Variants in NDUFB4 observed in about 807,000 individuals in gnomAD.
The protein encoded by NDUFB4 is NADH:ubiquinone oxidoreductase subunit B4, also known as NADH dehydrogenase [ubiquinone] 1 beta subcomplex subunit 4.
NDUFB4 carries 10 observed loss-of-function variants against 14.5 expected under a neutral mutation model. The observed-to-expected ratio is 0.69, with a 90% CI of 0.43 to 1.17. The LOEUF is 1.17. Ranked by LOEUF, NDUFB4 falls within the 50% of genes most tolerant of loss-of-function variation. The pLI is 0.00. For missense variants in NDUFB4, 165 were observed against 161.1 expected (o/e 1.02, Z -0.13); for synonymous variants, 65 against 63.4 (o/e 1.03, Z -0.12).
chr3:120,600,126 T>TTG (rs1940033390), intron 1 of NDUFB4, among the ~76,000 whole-genome samples: 1 of 147,774 alleles, frequency 6.8e-6, no homozygotes, highest in African/African-American at 2.4e-5. Context: ...TTTTTGTTTT[T>TTG]TTTTTTTTTT....
intron 1 of NDUFB4, among the ~76,000 whole-genome samples, chr3:120,598,406 G>C (rs1215739304): frequency 6.6e-6 from 1 of 151,956 alleles, no homozygotes; most frequent in Non-Finnish European, 1.5e-5. Flanking sequence ...AATTGCTCAG[G>C]GTCTGTTATG....
At chr3:120,602,093 G>A (rs1473880849) in intron 2 of NDUFB4, 115 bp from the exon 3 acceptor site, 9 of 1,504,618 alleles carry the variant, frequency 6.0e-6, no homozygotes, top group African/African-American at 1.4e-5. Flanking sequence ...TCAGTTGTAC[G>A]GTGGGTTGTG....
In NDUFB4 at chr3:120,596,365, G is replaced by T; in HGVS notation, c.6G>T (p.Ser2=). Residue 2 remains serine (S), a synonymous_variant, in exon 1 of 3, where the codon TCG becomes TCT. Coordinates refer to ENST00000184266, the MANE Select transcript of NDUFB4 (RefSeq NM_004547.6). ...TTGTGCCCTGGTTCGCCAAGATGTC[G>T]TTCCCAAAGTATAAGCCGTCGAGCC... M[S]FPKYKPSSLR... The T allele has an allele frequency of 6.2e-7, 1 of 1,614,114 alleles. No homozygotes were observed. Among genetic ancestry groups the T allele is most frequent in the South Asian group, 1.1e-5 (1 of 91,048 alleles).
chr3:120,599,267 ACC>A (rs1400377682), intron 1 of NDUFB4, among the ~76,000 whole-genome samples: 3 of 152,076 alleles, frequency 2.0e-5, no homozygotes, highest in Non-Finnish European at 2.9e-5. Context: ...TGCCTGTTAG[ACC>A]GTATGTCAGA....
At chr3:120,601,891 T>A in intron 2 of NDUFB4, 3 of 1,071,690 alleles carry the variant, frequency 2.8e-6, no homozygotes, top group Non-Finnish European at 3.4e-6. Flanking sequence ...CCAGAAAGTG[T>A]TTGCATTTTG....
At chr3:120,598,050 A>AT (rs139670492) in intron 1 of NDUFB4, among the ~76,000 whole-genome samples, 267 of 142,814 alleles carry the variant, frequency 1.9e-3, no homozygotes, top group Middle Eastern at 0.011. Flanking sequence ...CTCTTGCCTA[A>AT]TTTTTTTTTT....
chr3:120,598,516 T>TA (rs1370994753), intron 1 of NDUFB4, among the ~76,000 whole-genome samples: 1 of 151,996 alleles, frequency 6.6e-6, no homozygotes, highest in Non-Finnish European at 1.5e-5. Context: ...AGAAACAAGT[T>TA]AAAAAATTAA....
chr3:120,601,652 C>G, intron 2 of NDUFB4: 1 of 1,038,918 alleles, frequency 9.6e-7, no homozygotes, highest in Non-Finnish European at 1.2e-6. Context: ...GAATAGCTGC[C>G]GTCAGCAGCC....
At chr3:120,601,509 T>C (rs1940063201) in intron 2 of NDUFB4, 1 of 1,348,292 alleles carries the variant, frequency 7.4e-7, no homozygotes, top group African/African-American at 1.5e-5. Flanking sequence ...GGGTTAAGTA[T>C]TAGCAGAATA....
In NDUFB4 at chr3:120,602,047, G is replaced by A. The variant is rs1335815511; in HGVS notation, c.328-161G>A. The A allele has an allele frequency of 4.9e-6, 7 of 1,432,760 alleles. No homozygotes were observed. The African/African-American group carries it at 8.7e-5, about 18-fold the overall frequency. 88.8% of individuals were successfully genotyped at this position (1,432,760 alleles called of 1,614,324 possible). On this transcript the variant is annotated intron_variant, in intron 2 of 2. Transcript: ENST00000184266. ...ACACTCCCTGGGCTTTAGACAGTGG[G>A]ATTGCAATTAGGTTTGGAGTGTTTC...
intron 2 of NDUFB4, 143 bp downstream of exon 2, chr3:120,601,400 A>T: frequency 6.7e-7 from 1 of 1,491,264 alleles, no homozygotes; most frequent in Non-Finnish European, 8.8e-7. Context: ...CTCTTCTTTT[A>T]TCTTTATTCC....
Position 120,602,283 on chromosome 3 carries a change from T to C in NDUFB4, c.*13T>C. ...CCTCTCATATTAAGTCTGGCAATGATGACTATATGTATTCCTGCCTAAATA... is the reference window on the plus strand; with the variant it reads ...CCTCTCATATTAAGTCTGGCAATGACGACTATATGTATTCCTGCCTAAATA... On this transcript the variant is annotated 3_prime_UTR_variant, in exon 3 of 3. Coordinates refer to ENST00000184266, the MANE Select transcript of NDUFB4 (RefSeq NM_004547.6). 1 of 1,587,828 alleles carries C rather than the reference T, an allele frequency of 6.3e-7. No homozygotes were observed. Among genetic ancestry groups the C allele is most frequent in the Non-Finnish European group, 8.6e-7 (1 of 1,161,544 alleles).
chr3:120,597,802 GA>G (rs1344023897), intron 1 of NDUFB4, among the ~76,000 whole-genome samples: 1 of 152,118 alleles, frequency 6.6e-6, no homozygotes, highest in East Asian at 1.9e-4. Flanking sequence ...GGTGCAGAGA[GA>G]CACATTTATT....
intron 1 of NDUFB4, 98 bp from the exon 2 acceptor site, chr3:120,601,013 C>A: frequency 9.5e-7 from 1 of 1,051,696 alleles, no homozygotes; most frequent in Non-Finnish European, 1.4e-6. Context: ...TTCTAGAGAA[C>A]AAAATGCGTC....
At chr3:120,597,881 A>C (rs1939991536) in intron 1 of NDUFB4, among the ~76,000 whole-genome samples, 2 of 152,106 alleles carry the variant, frequency 1.3e-5, no homozygotes. Flanking sequence ...CCTCAGTCAG[A>C]CCTGAAATTG....
chr3:120,597,970 C>T (rs139630100), intron 1 of NDUFB4, among the ~76,000 whole-genome samples: 3,107 of 152,162 alleles, frequency 0.02, 41 homozygotes, highest in Middle Eastern at 0.031. Context: ...GGTAATACTA[C>T]CAGTCTCTTT....
In NDUFB4 at chr3:120,599,235, T is replaced by G. The variant is rs539281927; in HGVS notation, c.181-1876T>G. Reference sequence around the variant, plus strand: ...TGGAGTAGACTGTTGGGAAATCAGTTTGGGATATGTGACGTTTTAGATGCC... The same window carrying G: ...TGGAGTAGACTGTTGGGAAATCAGTGTGGGATATGTGACGTTTTAGATGCC... On this transcript the variant is annotated intron_variant, in intron 1 of 2. Coordinates refer to ENST00000184266, the MANE Select transcript of NDUFB4 (RefSeq NM_004547.6). Among the ~76,000 whole-genome samples the G allele has an allele frequency of 2.0e-5, 3 of 152,084 alleles. No individual in the cohort carries two copies. In the East Asian group the frequency reaches 5.8e-4, roughly 29 times the overall value.
At chr3:120,598,025 C>T (rs1301875662) in intron 1 of NDUFB4, among the ~76,000 whole-genome samples, 1 of 151,446 alleles carries the variant, frequency 6.6e-6, no homozygotes, top group Non-Finnish European at 1.5e-5. Flanking sequence ...ATTTATTAAT[C>T]AATACATGTA....
chr3:120,598,981 G>T (rs1459615471), intron 1 of NDUFB4, among the ~76,000 whole-genome samples: 2 of 152,180 alleles, frequency 1.3e-5, no homozygotes, highest in African/African-American at 2.4e-5. Flanking sequence ...GGAGGCTTTT[G>T]TAGTAATCCA....
Sources: allele counts gnomAD v4.1 joint callset (sites outside exome capture counted in the v4.1 genomes callset), GRCh38; gene constraint gnomAD v4.1.1; transcripts MANE v1.5; gene names NCBI Gene and HGNC (gene_info 2026-07-23, HGNC 2026-07-21).